Variants in RIT1 observed in about 807,000 individuals in gnomAD.
RIT1 encodes the protein Ras like without CAAX 1.
RIT1 carries 6 observed loss-of-function variants against 25.6 expected under a neutral mutation model. The observed-to-expected ratio is 0.23, with a 90% confidence interval of 0.13 to 0.46. RIT1 has a LOEUF of 0.46. Among genes scored for constraint, RIT1 ranks in the 20% least tolerant of loss-of-function variants. The probability of loss-of-function intolerance (pLI) is 0.99; values close to 1 mark genes in which losing one functional copy is unlikely to be tolerated. For synonymous variants in RIT1, 81 were observed against 94.1 expected (o/e 0.86, Z 0.80); for missense variants, 219 against 284.4 (o/e 0.77, Z 1.65).
At chr1:155,910,253 T>C in intron 3 of RIT1, 197 bp downstream of exon 3, 1 of 582,188 alleles carries the variant, frequency 1.7e-6, no homozygotes, top group East Asian at 2.9e-5. Context: ...AGACAAAGAC[T>C]AAAGATGGCT....
intron 3 of RIT1, among the ~76,000 whole-genome samples, chr1:155,906,916 G>C (rs1673455293): frequency 6.6e-6 from 1 of 151,978 alleles, no homozygotes; most frequent in Non-Finnish European, 1.5e-5. Context: ...GACCAGCCTG[G>C]GCAATAGAGC....
At chr1:155,904,244 G>T in intron 5 of RIT1, 67 bp downstream of exon 5, 3 of 1,258,918 alleles carry the variant, frequency 2.4e-6, no homozygotes, top group Non-Finnish European at 3.4e-6. Flanking sequence ...CCAAGAATCT[G>T]TAAGCCAAGA....
chr1:155,905,841 T>G (rs1673426254), intron 3 of RIT1, among the ~76,000 whole-genome samples: 1 of 152,054 alleles, frequency 6.6e-6, no homozygotes, highest in African/African-American at 2.4e-5. Context: ...ATTTTTTTTT[T>G]TTTTGAGACA....
chr1:155,910,488 A>G lies in RIT1; in HGVS notation c.125T>C (p.Ile42Thr), dbSNP rs765636979. The G allele has an allele frequency of 4.0e-5, 65 of 1,614,122 alleles. No homozygotes were observed. Among genetic ancestry groups the G allele is most frequent in the Non-Finnish European group, 5.5e-5 (65 of 1,180,028 alleles). ...ATGATCTTCTGGGAATCGGTGGCTG[A>G]TGAACTGCATGGTCATGGCTTCAAA... is the stretch of plus-strand genomic sequence containing the variant. The part of the protein sequence containing the change: ...VGKSAMTMQF[I>T]SHRFPEDHDP... The change falls in exon 3 of 6, where the codon ATC (isoleucine) becomes ACC (threonine). Residue 42 changes from isoleucine (I) to threonine (T), a missense_variant. Ile to Thr is a moderately conservative substitution (Grantham distance 89). Transcript: ENST00000368323.
At chr1:155,906,762 CAAAAAAAAA>C (rs59899087) in intron 3 of RIT1, among the ~76,000 whole-genome samples, 4 of 24,918 alleles carry the variant, frequency 1.6e-4, no homozygotes, top group African/African-American at 4.3e-4. Flanking sequence ...TTCTCCGTCT[CAAAAAAAAA>C]AAAAAAAAAA....
chr1:155,910,504 T>C lies in RIT1; in HGVS notation c.109A>G (p.Met37Val), dbSNP rs1557962700. The C allele has an allele frequency of 1.2e-6, 2 of 1,614,206 alleles. No individual in the cohort carries two copies. Among genetic ancestry groups the C allele is most frequent in the South Asian group, 1.1e-5 (1 of 91,084 alleles). The change falls in exon 3 of 6, where the codon ATG becomes GTG. Residue 37 changes from methionine to valine, a missense_variant and splice_region_variant. Coordinates refer to ENST00000368323, the MANE Select transcript of RIT1 (RefSeq NM_006912.6). ...CGGTGGCTGATGAACTGCATGGTCA[T>C]GGCTTCAAAAGAAGAAATAAAAGTC... ...LGAGGVGKSAMTMQFISHRFP... is the reference protein window; with the variant it reads ...LGAGGVGKSAVTMQFISHRFP...
intron 3 of RIT1, among the ~76,000 whole-genome samples, chr1:155,905,992 C>T (rs1673430616): frequency 6.6e-6 from 1 of 152,034 alleles, no homozygotes; most frequent in African/African-American, 2.4e-5. Context: ...TATTGCCCGG[C>T]TAATTTTTGT....
At chr1:155,905,087 A>C (rs1023921619) in intron 3 of RIT1, among the ~76,000 whole-genome samples, 1 of 152,198 alleles carries the variant, frequency 6.6e-6, no homozygotes, top group African/African-American at 2.4e-5. Context: ...AAATTAGGCT[A>C]TCTGGGCACA....
At chr1:155,906,775 A>AT (rs1673449926) in intron 3 of RIT1, among the ~76,000 whole-genome samples, 1 of 137,022 alleles carries the variant, frequency 7.3e-6, no homozygotes, top group South Asian at 2.5e-4. Flanking sequence ...AAAAAAAAAA[A>AT]AAAAAAAAAG....
At chr1:155,907,229 A>T (rs994307263) in intron 3 of RIT1, among the ~76,000 whole-genome samples, 4 of 151,758 alleles carry the variant, frequency 2.6e-5, no homozygotes, top group African/African-American at 4.8e-5. Context: ...ACATATGCAC[A>T]CATTCATATG....
intron 1 of RIT1, chr1:155,911,033 A>C: frequency 1.1e-6 from 1 of 950,724 alleles, no homozygotes; most frequent in Non-Finnish European, 1.6e-6. Context: ...ACTTTTTCCA[A>C]AGAGAAAAAT....
rs1485246675 is a variant in RIT1 at position 155,909,930 on chromosome 1, A to AAC, written c.163+519_163+520insGT. ...GTGCGAGACTCCATCTCAAAAAAAA[A>AAC]AAAAAAACAACAGACAGACATGGGA... On this transcript the variant is annotated intron_variant, in intron 3 of 5. Coordinates refer to ENST00000368323, the MANE Select transcript of RIT1 (RefSeq NM_006912.6). Among the ~76,000 whole-genome samples, 13 of 151,594 alleles carry AAC rather than the reference A, an allele frequency of 8.6e-5. 1 individual carries two copies. The East Asian group carries it at 1.9e-3, about 23-fold the overall frequency.
In RIT1 at chr1:155,904,791, C is replaced by G. The variant is rs1673400156; in HGVS notation, c.177G>C (p.Lys59Asn). 6.2e-7 allele frequency: 1 copy of G among 1,610,026 alleles called. No homozygotes were observed. The highest frequency in any genetic ancestry group is 8.5e-7 in the Non-Finnish European group (1 of 1,176,480). Residue 59 changes from lysine to asparagine, a missense_variant, in exon 4 of 6, where the codon AAG becomes AAC. Around this residue, in one of 3 missense-constraint regions of RIT1, gnomAD observed 131 missense variants for 173.6 expected, o/e 0.75. Coordinates refer to ENST00000368323, the MANE Select transcript of RIT1 (RefSeq NM_006912.6). ...GCTCATCATCAATACGGATCCTGAT[C>G]TTATAAGCATCTTCTACAGGAGGGA... ...DHDPTIEDAYKIRIRIDDEPA... is the reference protein window; with the variant it reads ...DHDPTIEDAYNIRIRIDDEPA...
At chr1:155,906,294 A>T (rs890927314) in intron 3 of RIT1, among the ~76,000 whole-genome samples, 1 of 152,164 alleles carries the variant, frequency 6.6e-6, no homozygotes, top group Admixed American at 6.5e-5. Flanking sequence ...TTACATCTCA[A>T]TGTATTTCCT....
At chr1:155,902,639 C>T (rs1203366169) in intron 5 of RIT1, among the ~76,000 whole-genome samples, 3 of 150,626 alleles carry the variant, frequency 2.0e-5, no homozygotes, top group African/African-American at 7.3e-5. Flanking sequence ...GTCAGGACTT[C>T]AAGACCAGCC....
chr1:155,904,227 A>T, intron 5 of RIT1, 84 bp downstream of exon 5: 2 of 1,115,580 alleles, frequency 1.8e-6, no homozygotes, highest in Non-Finnish European at 2.6e-6. Context: ...AAAATCTGTA[A>T]GCCAAGCCAA....
chr1:155,904,927 A>G, intron 3 of RIT1, 123 bp from the exon 4 acceptor site: 1 of 662,662 alleles, frequency 1.5e-6, no homozygotes, highest in Non-Finnish European at 2.7e-6. Flanking sequence ...TTTTCTCAGG[A>G]AGCATGCTAA....
chr1:155,901,486 A>C (rs1673310999), intron 5 of RIT1, among the ~76,000 whole-genome samples: 1 of 152,002 alleles, frequency 6.6e-6, no homozygotes, highest in Admixed American at 6.6e-5. Context: ...CACTTAAAAA[A>C]AACTAGCTGG....
At chr1:155,903,063 C>T (rs1021177338) in intron 5 of RIT1, among the ~76,000 whole-genome samples, 5 of 150,828 alleles carry the variant, frequency 3.3e-5, no homozygotes, top group Non-Finnish European at 7.4e-5. Flanking sequence ...TTTGGGAGGC[C>T]GAGGCAGGCT....
Sources: allele counts gnomAD v4.1 joint callset (sites outside exome capture counted in the v4.1 genomes callset), GRCh38; gene constraint gnomAD v4.1.1; regional missense constraint gnomAD v4.1.1; transcripts MANE v1.5; gene names NCBI Gene and HGNC (gene_info 2026-07-23, HGNC 2026-07-21).